Variants in SV2C observed in about 807,000 individuals in gnomAD.
SV2C encodes the protein solute carrier family 22 member B3.
Under a neutral mutation model 79.7 loss-of-function variants are expected in SV2C, and 49 were observed. That is an observed-to-expected ratio of 0.61 (90% CI 0.49 to 0.78). SV2C has a LOEUF of 0.78. Among genes scored for constraint, SV2C ranks in the 30% least tolerant of loss-of-function variants. SV2C has a pLI of 0.00. For missense variants in SV2C, 833 were observed against 912.9 expected, an observed-to-expected ratio of 0.91 and a Z score of 1.13; for synonymous variants, 334 against 333.2, an observed-to-expected ratio of 1.00 and a Z score of -0.03.
chr5:76,090,135 T>C (rs1747327001), intron 1 of SV2C, among the ~76,000 whole-genome samples: 1 of 152,238 alleles, frequency 6.6e-6, no homozygotes, highest in Admixed American at 6.5e-5. Flanking sequence ...AGTCCTGTTC[T>C]CAAGGAGCAC....
rs1487925222 is a variant in SV2C, at chr5:76,134,578, G to A, written c.580+2248G>A. On this transcript the variant is annotated intron_variant, in intron 2 of 12. Transcript: ENST00000502798. ...TAAGCATTGTGTCATTTTCCTCAAG[G>A]AAGACCAGGAACAAAAATATGGCCC... 2.0e-5 allele frequency among the ~76,000 whole-genome samples: 3 copies of A among 152,134 alleles called. No homozygotes were observed. In the East Asian group the frequency reaches 5.8e-4, roughly 29 times the overall value.
At chr5:75,897,438 A>G in the SV2C span, among the ~76,000 whole-genome samples, 27,123 of 88,184 alleles carry the variant, frequency 0.31, 5,939 homozygotes, top group African/African-American at 0.62. Flanking sequence ...TCTCTGTTTT[A>G]GTACCAGTAC....
chr5:75,892,516 C>T, the SV2C span, among the ~76,000 whole-genome samples: 2,521 of 151,800 alleles, frequency 0.017, 36 homozygotes, highest in African/African-American at 0.043. Flanking sequence ...GTTTGGGGTA[C>T]GATTAAATCT....
At chr5:76,217,906 C>T (rs1339561652) in intron 4 of SV2C, among the ~76,000 whole-genome samples, 2 of 152,160 alleles carry the variant, frequency 1.3e-5, no homozygotes, top group African/African-American at 4.8e-5. Context: ...TATAAAGACC[C>T]ATTTTCAAGG....
chr5:76,344,695 G>A (rs1436598649), intron 12 of SV2C, among the ~76,000 whole-genome samples: 1 of 152,040 alleles, frequency 6.6e-6, no homozygotes, highest in Non-Finnish European at 1.5e-5. Flanking sequence ...GGCAACAAGA[G>A]TGAAACTCCA....
At chr5:75,986,120 A>G in the SV2C span, among the ~76,000 whole-genome samples, 2 of 148,086 alleles carry the variant, frequency 1.4e-5, no homozygotes, top group Admixed American at 1.3e-4. Flanking sequence ...ACCACAACCG[A>G]CTTCAGTATG....
At chr5:75,852,688 T>C in the SV2C span, among the ~76,000 whole-genome samples, 1 of 151,678 alleles carries the variant, frequency 6.6e-6, no homozygotes, top group Non-Finnish European at 1.5e-5. Flanking sequence ...TAGCTGGGCG[T>C]GGTGGCAGGT....
chr5:76,021,869 G>A, the SV2C span, among the ~76,000 whole-genome samples: 1 of 152,166 alleles, frequency 6.6e-6, no homozygotes, highest in African/African-American at 2.4e-5. Context: ...CTGGCCTTAG[G>A]ATCTTATAGG....
chr5:76,006,612 T>C, the SV2C span, among the ~76,000 whole-genome samples: 1 of 152,152 alleles, frequency 6.6e-6, no homozygotes, highest in Non-Finnish European at 1.5e-5. Flanking sequence ...TTGCCTCATC[T>C]CCTGCCTGCT....
the SV2C span, chr5:75,910,136 C>T: frequency 3.3e-6 from 1 of 303,918 alleles, no homozygotes; most frequent in African/African-American, 2.2e-5. Flanking sequence ...CACTTCTCTC[C>T]AGTTTAAAAT....
At chr5:75,960,116 C>T in the SV2C span, among the ~76,000 whole-genome samples, 1 of 151,906 alleles carries the variant, frequency 6.6e-6, no homozygotes. Flanking sequence ...TTAATATGAC[C>T]TTGAAGGTCA....
chr5:75,933,758 A>T, the SV2C span, among the ~76,000 whole-genome samples: 1 of 152,182 alleles, frequency 6.6e-6, no homozygotes, highest in African/African-American at 2.4e-5. Context: ...TTTCTTCTAT[A>T]GCAGCCTGCT....
At chr5:76,038,984 C>T in the SV2C span, among the ~76,000 whole-genome samples, 1 of 152,226 alleles carries the variant, frequency 6.6e-6, no homozygotes, top group African/African-American at 2.4e-5. Context: ...TACAAAGCTT[C>T]ATTTCTCAAA....
the SV2C span, among the ~76,000 whole-genome samples, chr5:75,900,597 C>G: frequency 1.3e-5 from 2 of 152,050 alleles, no homozygotes; most frequent in Non-Finnish European, 2.9e-5. Context: ...TTTCCTGAAT[C>G]TGAATGTTGG....
chr5:76,180,279 A>G (rs1043003608), intron 2 of SV2C, among the ~76,000 whole-genome samples: 11 of 152,228 alleles, frequency 7.2e-5, no homozygotes, highest in African/African-American at 2.7e-4. Context: ...ATTAATATAA[A>G]GGAGACTTTT....
At chr5:76,099,843 C>G (rs1747678245) in intron 1 of SV2C, among the ~76,000 whole-genome samples, 1 of 152,158 alleles carries the variant, frequency 6.6e-6, no homozygotes, top group Non-Finnish European at 1.5e-5. Flanking sequence ...AAGTTTAATT[C>G]TAAGAACTAA....
rs138407086 is a variant in SV2C, at chr5:76,168,577, C to T, written c.581-26342C>T. Among the ~76,000 whole-genome samples, 184 of 152,300 alleles carry T rather than the reference C, an allele frequency of 1.2e-3. 2 individuals carry two copies. The South Asian group carries it at 0.013, about 11-fold the overall frequency. The stretch of plus-strand genomic sequence containing the variant: ...ACCAAATGCCCCAAGATGGTCGGCT[C>T]CGGGCCGCGCTGCATTTCTTATGCC... On this transcript the variant is annotated intron_variant, in intron 2 of 12. Coordinates refer to ENST00000502798, the MANE Select transcript of SV2C (RefSeq NM_014979.4).
intron 12 of SV2C, among the ~76,000 whole-genome samples, chr5:76,313,335 C>T (rs1748519428): frequency 6.6e-6 from 1 of 152,074 alleles, no homozygotes; most frequent in South Asian, 2.1e-4. Context: ...CTTGATTTTT[C>T]CTTATACGCC....
At chr5:76,115,901 C>A (rs1035418398) in intron 1 of SV2C, among the ~76,000 whole-genome samples, 1 of 152,210 alleles carries the variant, frequency 6.6e-6, no homozygotes, top group African/African-American at 2.4e-5. Context: ...GGCCTCATTG[C>A]CATTCTCTGC....
Sources: allele counts gnomAD v4.1 joint callset (sites outside exome capture counted in the v4.1 genomes callset), GRCh38; gene constraint gnomAD v4.1.1; transcripts MANE v1.5; gene names NCBI Gene and HGNC (gene_info 2026-07-23, HGNC 2026-07-21).